The following CNOT10 variants were observed in gnomAD, a reference collection of about 807,000 sequenced individuals.
CNOT10 encodes CCR4-NOT transcription complex subunit 10.
CNOT10 carries 30 observed loss-of-function variants against 94.6 expected under a neutral mutation model. The observed-to-expected ratio is 0.32, with a 90% CI of 0.24 to 0.43. The LOEUF is 0.43. Ranked by LOEUF, CNOT10 falls within the 20% of genes least tolerant of loss-of-function variation. The pLI, the probability that CNOT10 is intolerant of heterozygous loss-of-function variation, is 1.00. For synonymous variants in CNOT10, 289 were observed against 301.6 expected (o/e 0.96, Z 0.43); for missense variants, 759 against 877.2 (o/e 0.87, Z 1.70).
chr3:32,718,682 G>A (rs934232459), intron 7 of CNOT10, among the ~76,000 whole-genome samples: 10 of 151,254 alleles, frequency 6.6e-5, no homozygotes, highest in South Asian at 2.1e-4. Flanking sequence ...CTAAATCGGC[G>A]AAAACTTCAG....
At chr3:32,749,426 T>G (rs1043359289) in intron 13 of CNOT10, among the ~76,000 whole-genome samples, 1 of 104,180 alleles carries the variant, frequency 9.6e-6, no homozygotes, top group Non-Finnish European at 2.0e-5. Context: ...TTTTTTTTTT[T>G]GAGACTGAGT....
chr3:32,773,420 T>A, intron 18 of CNOT10, 37 bp from the exon 19 acceptor site: 2 of 1,591,944 alleles, frequency 1.3e-6, no homozygotes, highest in Non-Finnish European at 1.7e-6. Flanking sequence ...GCAGTATTGT[T>A]CTGTGCTTTG....
At chr3:32,762,889 A>G in intron 15 of CNOT10, 26 bp downstream of exon 15, 1 of 1,487,850 alleles carries the variant, frequency 6.7e-7, no homozygotes. Context: ...TTTGATCAGA[A>G]CTGGTCACTG....
At chr3:32,695,323 C>T (rs1696999970) in intron 1 of CNOT10, among the ~76,000 whole-genome samples, 1 of 151,898 alleles carries the variant, frequency 6.6e-6, no homozygotes. Context: ...AAGTGGCATC[C>T]TTCTTAAGAT....
At chr3:32,739,423 A>C (rs1197409698) in intron 13 of CNOT10, among the ~76,000 whole-genome samples, 1 of 152,088 alleles carries the variant, frequency 6.6e-6, no homozygotes, top group Non-Finnish European at 1.5e-5. Context: ...ACTGATTTTT[A>C]GATAAAGGTC....
chr3:32,702,599 T>C (rs1478431823), intron 1 of CNOT10, among the ~76,000 whole-genome samples: 1 of 152,212 alleles, frequency 6.6e-6, no homozygotes, highest in Admixed American at 6.5e-5. Flanking sequence ...TAAGCCCTTA[T>C]CAGTGTAGTT....
At chr3:32,727,911 C>G (rs1445067649) in intron 10 of CNOT10, 41 bp downstream of exon 10, 2 of 1,449,446 alleles carry the variant, frequency 1.4e-6, no homozygotes, top group Non-Finnish European at 9.5e-7. Context: ...CTGTCTTCTC[C>G]CCACTTACTA....
rs376445555 is a variant in CNOT10 at position 32,759,411 on chromosome 3, T to C, written c.1596-47T>C. 7 of 1,280,640 alleles carry C rather than the reference T, an allele frequency of 5.5e-6. No individual in the cohort carries two copies. The African/African-American group carries it at 1.0e-4, about 19-fold the overall frequency. 79.3% of individuals were successfully genotyped at this position (1,280,640 alleles called of 1,614,324 possible). ...TCCTATTTAGCAAATATAACCATTA[T>C]CAATGTTTAAAATGAGATTTTCGGC... On this transcript the variant is annotated intron_variant, in intron 13 of 18. Transcript: ENST00000328834.
chr3:32,712,780 A>G (rs1697950155), intron 4 of CNOT10, among the ~76,000 whole-genome samples: 2 of 152,220 alleles, frequency 1.3e-5, no homozygotes, highest in Admixed American at 6.5e-5. Flanking sequence ...CAGAGGTTGC[A>G]GTAAGCCAAG....
chr3:32,692,393 G>A (rs951366301), intron 1 of CNOT10, among the ~76,000 whole-genome samples: 1 of 152,170 alleles, frequency 6.6e-6, no homozygotes, highest in Non-Finnish European at 1.5e-5. Context: ...ACTGCACCCA[G>A]CTTTATCTCC....
chr3:32,686,235 C>T (rs1223403045), intron 1 of CNOT10, among the ~76,000 whole-genome samples: 1 of 152,056 alleles, frequency 6.6e-6, no homozygotes, highest in African/African-American at 2.4e-5. Context: ...TGACCTTGTC[C>T]GGAATGTTTC....
intron 3 of CNOT10, 24 bp from the exon 4 acceptor site, chr3:32,708,646 T>C: frequency 6.3e-7 from 1 of 1,582,598 alleles, no homozygotes; most frequent in Non-Finnish European, 8.5e-7. Context: ...TGTTAAAATA[T>C]AACCTCTGTT....
At chr3:32,706,550 A>C (rs1253348080) in intron 3 of CNOT10, among the ~76,000 whole-genome samples, 1 of 152,158 alleles carries the variant, frequency 6.6e-6, no homozygotes, top group East Asian at 1.9e-4. Context: ...ATTCCATTTT[A>C]ATTAGCAAAC....
At position 32,740,213 on chromosome 3, in the gene CNOT10, C is replaced by A. The variant is rs576941620; in HGVS notation, c.1595+2723C>A. ...CGGTGGCTCATGCCTGTAATCCCAG[C>A]CCTTTGGGAGGCCGAGGTGGGCGGA... On this transcript the variant is annotated intron_variant, in intron 13 of 18. Coordinates refer to ENST00000328834, the MANE Select transcript of CNOT10 (RefSeq NM_015442.3). Among the ~76,000 whole-genome samples the A allele has an allele frequency of 3.3e-5, 5 of 152,244 alleles. No homozygotes were observed. In the South Asian group the frequency reaches 6.2e-4, roughly 19 times the overall value.
intron 13 of CNOT10, among the ~76,000 whole-genome samples, chr3:32,758,088 T>A (rs1310273521): frequency 6.6e-6 from 1 of 152,150 alleles, no homozygotes; most frequent in Non-Finnish European, 1.5e-5. Flanking sequence ...AAAGAAGCAA[T>A]GTGATTGGAT....
rs1017392528 is a variant in CNOT10, at chr3:32,764,721, A to G, written c.1916A>G (p.Asn639Ser). Residue 639 changes from asparagine (N) to serine (S), a missense_variant, in exon 17 of 19, where the codon AAC becomes AGC. Asn to Ser is a conservative substitution (Grantham distance 46). This residue lies in a region of CNOT10 where 682 missense variants were observed against 799.4 expected (regional missense o/e 0.85). Transcript: ENST00000328834. Reference sequence around the variant, plus strand: ...CCTCAGTGCTACCCCAGTTCCGTCAACTCTGCCAGGACTGTGATGCTGTTC... The same window carrying G: ...CCTCAGTGCTACCCCAGTTCCGTCAGCTCTGCCAGGACTGTGATGCTGTTC... Reference protein sequence around the residue: ...RAPQCYPSSVNSARTVMLFNL... With the variant: ...RAPQCYPSSVSSARTVMLFNL... 4 of 1,613,926 alleles carry G rather than the reference A, an allele frequency of 2.5e-6. No homozygotes were observed. The highest frequency in any genetic ancestry group is 1.1e-5 in the South Asian group (1 of 91,064).
At chr3:32,721,687 C>G (rs1424376299) in intron 8 of CNOT10, among the ~76,000 whole-genome samples, 1 of 149,362 alleles carries the variant, frequency 6.7e-6, no homozygotes, top group African/African-American at 2.5e-5. Flanking sequence ...CCCTCCGTCG[C>G]CCAGGCTGGA....
intron 8 of CNOT10, among the ~76,000 whole-genome samples, chr3:32,720,690 G>T (rs1000886120): frequency 7.3e-5 from 11 of 151,554 alleles, no homozygotes; most frequent in Middle Eastern, 3.2e-3. Context: ...TCATTATGTT[G>T]CCCAAGCTGG....
intron 1 of CNOT10, among the ~76,000 whole-genome samples, chr3:32,686,174 A>G (rs1337108168): frequency 3.9e-5 from 6 of 152,176 alleles, no homozygotes; most frequent in Non-Finnish European, 8.8e-5. Flanking sequence ...TTTATGGATT[A>G]TTGCTCCCAT....
Sources: gnomAD v4.1 joint callset for allele counts (sites outside exome capture counted in the v4.1 genomes callset) on GRCh38, gnomAD v4.1.1 for gene constraint, gnomAD v4.1.1 regional missense constraint, MANE v1.5 for transcripts, NCBI Gene and HGNC (gene_info 2026-07-23, HGNC 2026-07-21) for gene names.